Variants in MORC3 observed in about 807,000 individuals in gnomAD.
The protein encoded by MORC3 is MORC family CW-type zinc finger protein 3.
A neutral mutation model predicts 109.1 loss-of-function variants in MORC3; 31 were observed. That is an observed-to-expected ratio of 0.28 (90% CI 0.21 to 0.38). The LOEUF (loss-of-function observed/expected upper bound fraction) is 0.38. Among genes scored for constraint, MORC3 ranks in the 10% least tolerant of loss-of-function variants. The pLI is 1.00. For missense variants in MORC3, 867 were observed against 1,135.8 expected (o/e 0.76, Z 3.40); for synonymous variants, 395 against 380.7 (o/e 1.04, Z -0.44).
intron 2 of MORC3, among the ~76,000 whole-genome samples, chr21:36,334,804 A>G (rs1315066763): frequency 6.6e-6 from 1 of 152,146 alleles, no homozygotes; most frequent in Non-Finnish European, 1.5e-5. Context: ...TCTGATTTGC[A>G]TTTATGGGTC....
chr21:36,364,356 T>G, intron 14 of MORC3, 97 bp downstream of exon 14: 3 of 1,304,230 alleles, frequency 2.3e-6, no homozygotes, highest in Non-Finnish European at 3.2e-6. Context: ...TCATTGTAGG[T>G]TCCATTGTGA....
At chr21:36,362,026 A>T in intron 12 of MORC3, 157 bp from the exon 13 acceptor site, 1 of 789,680 alleles carries the variant, frequency 1.3e-6, no homozygotes, top group Admixed American at 2.7e-5. Context: ...GGTGCTACTG[A>T]GATAAAAGGT....
At position 36,369,214 on chromosome 21, in the gene MORC3, A is replaced by G. The variant is rs752046382; in HGVS notation, c.1846A>G (p.Ser616Gly). Residue 616 changes from serine to glycine, a missense_variant, in exon 15 of 17, where the codon AGT becomes GGT. Physicochemically the swap from Ser to Gly is moderately conservative, Grantham distance 56. Coordinates refer to ENST00000400485, the MANE Select transcript of MORC3 (RefSeq NM_015358.3). ...TGTTCAGGTTGAGTTTGTGGGTGAC[A>G]GTGAACCTTGTGGCCAGACTGGTTC... Reference protein sequence around the residue: ...GGVQVEFVGDSEPCGQTGSTS... With the variant: ...GGVQVEFVGDGEPCGQTGSTS... The G allele has an allele frequency of 3.1e-6, 5 of 1,614,210 alleles. No homozygotes were observed. The Admixed American group carries it at 6.7e-5, about 22-fold the overall frequency.
At chr21:36,341,660 A>G (rs1195702389) in intron 6 of MORC3, 114 bp downstream of exon 6, 1 of 1,406,338 alleles carries the variant, frequency 7.1e-7, no homozygotes, top group African/African-American at 1.4e-5. Context: ...TCTAAATGAA[A>G]GTATCTCAGA....
At chr21:36,321,442 C>T (rs2085192508) in intron 1 of MORC3, among the ~76,000 whole-genome samples, 1 of 151,722 alleles carries the variant, frequency 6.6e-6, no homozygotes, top group South Asian at 2.1e-4. Context: ...TGTAAGAGTT[C>T]TTTACGTATT....
At chr21:36,370,631 A>ATTTTT (rs2085847305) in intron 15 of MORC3, among the ~76,000 whole-genome samples, 1 of 23,822 alleles carries the variant, frequency 4.2e-5, no homozygotes, top group African/African-American at 1.3e-4. Flanking sequence ...ATATATATAT[A>ATTTTT]TATATATATT....
intron 9 of MORC3, among the ~76,000 whole-genome samples, chr21:36,354,391 G>A (rs1339730605): frequency 8.0e-6 from 1 of 125,094 alleles, no homozygotes; most frequent in African/African-American, 3.0e-5. Context: ...TGCAACCTCC[G>A]CCTCCCAGGT....
chr21:36,329,602 A>G lies in MORC3; in HGVS notation c.40-4044A>G, dbSNP rs1018703422. Among the ~76,000 whole-genome samples the G allele has an allele frequency of 1.1e-4, 16 of 152,312 alleles. No homozygotes were observed. The East Asian group carries it at 3.1e-3, about 29-fold the overall frequency. ...TTCTAAGGCTCTTCCAACCATTTTA[A>G]TGGACTTCCTTCTCAGCCAGGGCAC... On this transcript the variant is annotated intron_variant, in intron 1 of 16. Transcript: ENST00000400485.
intron 3 of MORC3, among the ~76,000 whole-genome samples, chr21:36,337,373 C>T (rs1018125910): frequency 1.3e-5 from 2 of 152,042 alleles, no homozygotes; most frequent in African/African-American, 4.8e-5. Context: ...TCTCACAGTC[C>T]CGGAAGCATG....
intron 13 of MORC3, among the ~76,000 whole-genome samples, chr21:36,363,105 C>T (rs1008008338): frequency 6.6e-6 from 1 of 152,126 alleles, no homozygotes; most frequent in African/African-American, 2.4e-5. Flanking sequence ...CGTAGAGTTA[C>T]ATCCTGATAA....
At chr21:36,360,480 TAAG>T in intron 12 of MORC3, 1 of 572,890 alleles carries the variant, frequency 1.7e-6, no homozygotes, top group Non-Finnish European at 3.1e-6. Context: ...ATGTTTTGTG[TAAG>T]AGCAGTCTGC....
At chr21:36,351,335 G>T (rs775805288) in intron 9 of MORC3, among the ~76,000 whole-genome samples, 2 of 151,930 alleles carry the variant, frequency 1.3e-5, no homozygotes, top group Non-Finnish European at 2.9e-5. Context: ...CAAAATGGTG[G>T]GATTATGGGT....
At chr21:36,327,935 G>C (rs1454274963) in intron 1 of MORC3, among the ~76,000 whole-genome samples, 1 of 151,618 alleles carries the variant, frequency 6.6e-6, no homozygotes, top group Non-Finnish European at 1.5e-5. Flanking sequence ...GGAGTGCAGT[G>C]GCATGATCTT....
At chr21:36,353,771 T>C (rs1035192098) in intron 9 of MORC3, among the ~76,000 whole-genome samples, 1 of 139,846 alleles carries the variant, frequency 7.2e-6, no homozygotes, top group African/African-American at 2.7e-5. Context: ...TTTTTTTTTT[T>C]TTTTTTAGTA....
At chr21:36,323,308 A>G (rs367898671) in intron 1 of MORC3, among the ~76,000 whole-genome samples, 5 of 152,286 alleles carry the variant, frequency 3.3e-5, no homozygotes, top group African/African-American at 1.2e-4. Flanking sequence ...AACCAGATGT[A>G]TGTCCTTGGC....
intron 9 of MORC3, among the ~76,000 whole-genome samples, chr21:36,351,218 C>T (rs921530957): frequency 6.6e-6 from 1 of 151,882 alleles, no homozygotes; most frequent in Non-Finnish European, 1.5e-5. Flanking sequence ...CAGGCATGCA[C>T]CACCATGCCC....
intron 13 of MORC3, among the ~76,000 whole-genome samples, 196 bp from the exon 14 acceptor site, chr21:36,363,897 A>G (rs1425987126): frequency 6.6e-6 from 1 of 152,206 alleles, no homozygotes; most frequent in Non-Finnish European, 1.5e-5. Flanking sequence ...ATACAAAGCC[A>G]TTCTTAGCCT....
At chr21:36,346,654 AC>A (rs1285351121) in intron 8 of MORC3, among the ~76,000 whole-genome samples, 1 of 152,072 alleles carries the variant, frequency 6.6e-6, no homozygotes, top group Admixed American at 6.6e-5. Flanking sequence ...ACAAAAAAAT[AC>A]AAAAATTAGC....
intron 13 of MORC3, among the ~76,000 whole-genome samples, 187 bp downstream of exon 13, chr21:36,362,415 T>C (rs897699313): frequency 2.0e-5 from 3 of 150,142 alleles, no homozygotes; most frequent in Non-Finnish European, 4.4e-5. Context: ...TGGTGGCACA[T>C]ACCTGTAATC....
Sources: allele counts gnomAD v4.1 joint callset (sites outside exome capture counted in the v4.1 genomes callset), GRCh38; gene constraint gnomAD v4.1.1; transcripts MANE v1.5; gene names NCBI Gene and HGNC (gene_info 2026-07-23, HGNC 2026-07-21).